Variants in COL19A1 observed in about 807,000 individuals in gnomAD.
COL19A1 encodes the protein collagen alpha-1(XIX) chain.
COL19A1 carries 159 observed loss-of-function variants against 190.2 expected under a neutral mutation model. The ratio of observed to expected loss-of-function variants is 0.84; its 90% CI spans 0.73 to 0.95. The LOEUF (loss-of-function observed/expected upper bound fraction) is 0.95. Among genes scored for constraint, COL19A1 ranks in the 40% least tolerant of loss-of-function variants. COL19A1 has a pLI of 0.00. For missense variants in COL19A1, 1,418 were observed against 1,431.9 expected (o/e 0.99, Z 0.16); for synonymous variants, 509 against 458.9 (o/e 1.11, Z -1.39).
chr6:70,023,431 T>C (rs1778545123), intron 11 of COL19A1, among the ~76,000 whole-genome samples, 196 bp from the exon 12 acceptor site: 1 of 152,186 alleles, frequency 6.6e-6, no homozygotes, highest in East Asian at 1.9e-4. Context: ...CCACTGCACC[T>C]GGCTGCAGCT....
At chr6:69,955,425 G>A (rs1027657007) in intron 9 of COL19A1, among the ~76,000 whole-genome samples, 2 of 151,928 alleles carry the variant, frequency 1.3e-5, no homozygotes, top group African/African-American at 4.8e-5. Context: ...CTTAAGGATT[G>A]TAGTTGACTA....
chr6:70,087,977 G>A (rs1009195903), intron 15 of COL19A1, among the ~76,000 whole-genome samples: 6 of 152,202 alleles, frequency 3.9e-5, no homozygotes, highest in African/African-American at 1.2e-4. Flanking sequence ...TTAGATATTT[G>A]CCAAGAATGT....
At chr6:70,061,708 C>T (rs1230531323) in intron 14 of COL19A1, among the ~76,000 whole-genome samples, 1 of 152,010 alleles carries the variant, frequency 6.6e-6, no homozygotes, top group Non-Finnish European at 1.5e-5. Flanking sequence ...TGTTTAAAAA[C>T]ACTGAATGAG....
intron 15 of COL19A1, among the ~76,000 whole-genome samples, chr6:70,090,150 C>T (rs1272779535): frequency 6.6e-6 from 1 of 151,340 alleles, no homozygotes; most frequent in Non-Finnish European, 1.5e-5. Flanking sequence ...TTACTTCAGC[C>T]TGGGTGACAG....
At chr6:69,960,298 C>T (rs980966290) in intron 10 of COL19A1, among the ~76,000 whole-genome samples, 1 of 152,068 alleles carries the variant, frequency 6.6e-6, no homozygotes, top group Non-Finnish European at 1.5e-5. Context: ...TTCTGGGGTC[C>T]GTGATAGCTG....
At chr6:70,187,168 C>G (rs948003159) in intron 46 of COL19A1, among the ~76,000 whole-genome samples, 1 of 152,160 alleles carries the variant, frequency 6.6e-6, no homozygotes, top group Non-Finnish European at 1.5e-5. Context: ...GCGTGAGCCA[C>G]CGCGCCTGGC....
At chr6:69,993,233 A>C (rs1030905943) in intron 11 of COL19A1, among the ~76,000 whole-genome samples, 2 of 151,980 alleles carry the variant, frequency 1.3e-5, no homozygotes, top group Non-Finnish European at 2.9e-5. Flanking sequence ...TTTTGTGCTT[A>C]GTCCTGTTTA....
chr6:69,886,276 G>A (rs957998518), intron 2 of COL19A1, among the ~76,000 whole-genome samples: 8 of 152,126 alleles, frequency 5.3e-5, no homozygotes, highest in Non-Finnish European at 1.0e-4. Context: ...AAACCACCAT[G>A]AGACATTACC....
chr6:69,997,880 G>C (rs78089952), intron 11 of COL19A1, among the ~76,000 whole-genome samples: 12,636 of 152,016 alleles, frequency 0.083, 597 homozygotes, highest in East Asian at 0.2. Flanking sequence ...TGAAACTTTA[G>C]AGAACTCCAA....
intron 31 of COL19A1, among the ~76,000 whole-genome samples, chr6:70,154,420 C>A (rs9294858): frequency 0.52 from 78,442 of 151,832 alleles, 20,999 homozygotes; most frequent in African/African-American, 0.65. Context: ...AATAAACATA[C>A]GTGTGCATGT....
At chr6:70,122,027 C>A in intron 17 of COL19A1, 85 bp downstream of exon 17, 1 of 817,034 alleles carries the variant, frequency 1.2e-6, no homozygotes, top group Non-Finnish European at 1.9e-6. Context: ...TAATTCCTAA[C>A]TTCTCAGACT....
At chr6:69,920,591 T>G (rs186102773) in intron 4 of COL19A1, among the ~76,000 whole-genome samples, 6 of 152,288 alleles carry the variant, frequency 3.9e-5, no homozygotes, top group Admixed American at 3.9e-4. Context: ...CAACTTTAGT[T>G]TGACTGTATG....
At chr6:70,115,581 G>A (rs1337790827) in intron 16 of COL19A1, among the ~76,000 whole-genome samples, 1 of 152,106 alleles carries the variant, frequency 6.6e-6, no homozygotes, top group African/African-American at 2.4e-5. Context: ...ATAACCTGGA[G>A]AGCAGGCAAG....
At chr6:69,913,119 G>T (rs1361518) in intron 4 of COL19A1, among the ~76,000 whole-genome samples, 39,745 of 151,872 alleles carry the variant, frequency 0.26, 5,729 homozygotes, top group African/African-American at 0.38. Context: ...GTATGAATAC[G>T]AGGCAATTCT....
intron 44 of COL19A1, among the ~76,000 whole-genome samples, chr6:70,184,357 A>G (rs1254204416): frequency 6.6e-6 from 1 of 152,244 alleles, no homozygotes; most frequent in African/African-American, 2.4e-5. Context: ...AGAATAAGAA[A>G]GGAAAATAAT....
intron 4 of COL19A1, among the ~76,000 whole-genome samples, chr6:69,912,913 C>T (rs1224239466): frequency 6.6e-6 from 1 of 152,010 alleles, no homozygotes; most frequent in African/African-American, 2.4e-5. Context: ...CATAGCAAAA[C>T]CCTGTCTCTA....
chr6:69,971,772 A>G (rs1775440749), intron 11 of COL19A1, among the ~76,000 whole-genome samples: 1 of 152,168 alleles, frequency 6.6e-6, no homozygotes, highest in African/African-American at 2.4e-5. Context: ...TTACTTCCAA[A>G]TTATAGTTTA....
intron 8 of COL19A1, 109 bp downstream of exon 8, chr6:69,937,019 G>A: frequency 2.1e-6 from 3 of 1,432,554 alleles, no homozygotes; most frequent in Non-Finnish European, 2.8e-6. Context: ...AGTGTTTGTT[G>A]AAGTAAATAC....
chr6:69,899,611 T>A (rs942401701), intron 3 of COL19A1, among the ~76,000 whole-genome samples: 1 of 152,052 alleles, frequency 6.6e-6, no homozygotes, highest in African/African-American at 2.4e-5. Context: ...GAAAAAAAAA[T>A]TTGTGAGAAG....
Sources: gnomAD v4.1 joint callset for allele counts (sites outside exome capture counted in the v4.1 genomes callset) on GRCh38, gnomAD v4.1.1 for gene constraint, MANE v1.5 for transcripts, NCBI Gene and HGNC (gene_info 2026-07-23, HGNC 2026-07-21) for gene names.